GRID1: variants seen among roughly 807,000 people sequenced by gnomAD.
GRID1 encodes the protein glutamate ionotropic receptor delta type subunit 1.
In GRID1, 28 loss-of-function variants were observed where a neutral mutation model predicts 98.0. That is an observed-to-expected ratio of 0.29 (90% CI 0.21 to 0.39). The LOEUF (loss-of-function observed/expected upper bound fraction) is 0.39. Ranked by LOEUF, GRID1 falls within the 10% of genes least tolerant of loss-of-function variation. The pLI is 1.00. For synonymous variants in GRID1, 553 were observed against 538.5 expected (o/e 1.03, Z -0.37); for missense variants, 1,111 against 1,340.5 (o/e 0.83, Z 2.67).
intron 2 of GRID1, among the ~76,000 whole-genome samples, chr10:86,311,161 G>T (rs1309125533): frequency 6.6e-6 from 1 of 152,152 alleles, no homozygotes; most frequent in Non-Finnish European, 1.5e-5. Flanking sequence ...TCCTCCAAGA[G>T]CCTACTGAGC....
intron 5 of GRID1, among the ~76,000 whole-genome samples, chr10:85,888,179 G>A (rs976317843): frequency 6.6e-6 from 1 of 152,180 alleles, no homozygotes; most frequent in African/African-American, 2.4e-5. Flanking sequence ...TGACGCAATA[G>A]CTTCTGCTCA....
chr10:86,154,795 AGCT>A (rs1456758551), intron 3 of GRID1, among the ~76,000 whole-genome samples: 1 of 152,150 alleles, frequency 6.6e-6, no homozygotes, highest in African/African-American at 2.4e-5. Flanking sequence ...TGCCATCGTA[AGCT>A]GGGCAAGAGC....
At chr10:85,957,915 T>G (rs548123861) in intron 4 of GRID1, among the ~76,000 whole-genome samples, 2 of 152,250 alleles carry the variant, frequency 1.3e-5, no homozygotes, top group South Asian at 4.1e-4. Flanking sequence ...CCTATCAAGG[T>G]GAGACAAGCT....
chr10:86,075,806 T>C (rs959023457), intron 4 of GRID1, among the ~76,000 whole-genome samples: 5 of 152,142 alleles, frequency 3.3e-5, no homozygotes, highest in African/African-American at 1.2e-4. Flanking sequence ...TACAGTGAGT[T>C]TGGCCAGGAA....
intron 4 of GRID1, among the ~76,000 whole-genome samples, chr10:86,117,063 A>G (rs1844593528): frequency 6.6e-6 from 1 of 151,358 alleles, no homozygotes; most frequent in African/African-American, 2.4e-5. Context: ...TACCATTGCC[A>G]CCACCACCAA....
At chr10:86,073,747 G>C (rs1413002805) in intron 4 of GRID1, among the ~76,000 whole-genome samples, 1 of 152,194 alleles carries the variant, frequency 6.6e-6, no homozygotes, top group Non-Finnish European at 1.5e-5. Context: ...ATCATCACTT[G>C]GCTGGAATCC....
chr10:85,698,117 C>T (rs1841413797), intron 12 of GRID1, among the ~76,000 whole-genome samples: 1 of 151,952 alleles, frequency 6.6e-6, no homozygotes, highest in South Asian at 2.1e-4. Context: ...GCAGGTACCA[C>T]CGAAAATATC....
chr10:85,661,671 A>C (rs1479343195), intron 12 of GRID1, among the ~76,000 whole-genome samples: 2 of 152,172 alleles, frequency 1.3e-5, no homozygotes, highest in Non-Finnish European at 2.9e-5. Flanking sequence ...AAAGCAAAAC[A>C]ACCACCTTCA....
intron 4 of GRID1, among the ~76,000 whole-genome samples, chr10:86,104,817 G>A (rs1394768215): frequency 1.3e-5 from 2 of 152,172 alleles, no homozygotes; most frequent in Non-Finnish European, 1.5e-5. Context: ...CCCAGGACCC[G>A]GCCTGAGACA....
At chr10:85,615,565 T>A (rs1046369021) in intron 14 of GRID1, among the ~76,000 whole-genome samples, 2 of 152,254 alleles carry the variant, frequency 1.3e-5, no homozygotes, top group East Asian at 3.8e-4. Context: ...GATCAGCATG[T>A]AAGACACAGA....
intron 8 of GRID1, among the ~76,000 whole-genome samples, chr10:85,758,416 T>C (rs1252111007): frequency 6.6e-6 from 1 of 152,092 alleles, no homozygotes; most frequent in Non-Finnish European, 1.5e-5. Context: ...GGCTGGCAAG[T>C]TGGTGGGGCT....
At position 85,952,058 on chromosome 10, in the gene GRID1, C is replaced by T. The variant is rs149565630; in HGVS notation, c.727-35819G>A. ...AAGGAACACTATCCGAAGCACTAAACATTCCATCTTCCCAAACAAACCTTT... is the reference window on the plus strand; with the variant it reads ...AAGGAACACTATCCGAAGCACTAAATATTCCATCTTCCCAAACAAACCTTT... On this transcript the variant is annotated intron_variant, in intron 4 of 15. Transcript: ENST00000327946. Among the ~76,000 whole-genome samples the T allele has an allele frequency of 7.7e-4, 117 of 152,368 alleles. 3 individuals carry two copies. In the East Asian group the frequency reaches 0.022, roughly 29 times the overall value.
chr10:86,082,825 C>T (rs1270236022), intron 4 of GRID1, among the ~76,000 whole-genome samples: 1 of 152,220 alleles, frequency 6.6e-6, no homozygotes, highest in Non-Finnish European at 1.5e-5. Flanking sequence ...CTGTCCTGCC[C>T]CCTTTCTTTG....
chr10:86,032,018 C>T (rs1843192263), intron 4 of GRID1, among the ~76,000 whole-genome samples: 1 of 152,190 alleles, frequency 6.6e-6, no homozygotes, highest in African/African-American at 2.4e-5. Flanking sequence ...TAATATGACC[C>T]TCACCCCATC....
rs191990441 is a variant in GRID1 at position 86,059,546 on chromosome 10, G to A, written c.726+79273C>T. ...AATCATCCTTCAATAAGAAGAGTGA[G>A]TGAACTTATATTCAAATTCCTGACA... On this transcript the variant is annotated intron_variant, in intron 4 of 15. Coordinates refer to ENST00000327946, the MANE Select transcript of GRID1 (RefSeq NM_017551.3). 5.9e-3 allele frequency among the ~76,000 whole-genome samples: 904 copies of A among 152,328 alleles called. 5 individuals are homozygous for A. The highest frequency in any genetic ancestry group is 7.2e-3 in the Non-Finnish European group (488 of 68,038).
At chr10:86,121,639 C>T (rs1049109947) in intron 4 of GRID1, among the ~76,000 whole-genome samples, 14 of 22,890 alleles carry the variant, frequency 6.1e-4, no homozygotes, top group African/African-American at 1.9e-3. Flanking sequence ...CCATCAAAAT[C>T]GTCATTATCA....
chr10:86,232,774 A>G (rs1846476739), intron 2 of GRID1, among the ~76,000 whole-genome samples: 1 of 152,130 alleles, frequency 6.6e-6, no homozygotes, highest in Admixed American at 6.5e-5. Context: ...AAGTCTATAA[A>G]TATTTTTTTT....
intron 2 of GRID1, among the ~76,000 whole-genome samples, chr10:86,222,808 G>C (rs1202064918): frequency 1.3e-5 from 2 of 152,144 alleles, no homozygotes; most frequent in Non-Finnish European, 2.9e-5. Flanking sequence ...CAGCTGAAGG[G>C]GGGCAGGGCA....
chr10:85,604,739 A>G (rs1003059493), intron 15 of GRID1, among the ~76,000 whole-genome samples: 2 of 152,180 alleles, frequency 1.3e-5, no homozygotes, highest in African/African-American at 4.8e-5. Flanking sequence ...CAACTTTGCT[A>G]CTTTTTGTGT....
Sources: allele counts gnomAD v4.1 joint callset (sites outside exome capture counted in the v4.1 genomes callset), GRCh38; gene constraint gnomAD v4.1.1; transcripts MANE v1.5; gene names NCBI Gene and HGNC (gene_info 2026-07-23, HGNC 2026-07-21).